LILRB3: variants seen among roughly 807,000 people sequenced by gnomAD.
LILRB3 encodes the protein leukocyte immunoglobulin-like receptor subfamily B member 3.
A neutral mutation model predicts 68.2 loss-of-function variants in LILRB3; 32 were observed. The observed-to-expected ratio is 0.47, with a 90% CI of 0.35 to 0.63. The LOEUF is 0.63. Among genes scored for constraint, LILRB3 ranks in the 30% least tolerant of loss-of-function variants. LILRB3 has a pLI of 0.00. For missense variants in LILRB3, 502 were observed against 791.3 expected (o/e 0.63, Z 4.39); for synonymous variants, 185 against 323.1 (o/e 0.57, Z 4.58).
At chr19:54,216,307 C>T (rs1470947524) in exon 13 of LILRB3, 4 of 149,604 alleles carry the variant, frequency 2.7e-5, no homozygotes, top group East Asian at 3.9e-4. Context: ...TATTTTTTTT[C>T]TTTCTTTTTT....
intron 8 of LILRB3, 127 bp downstream of exon 8, chr19:54,219,002 C>A: frequency 6.6e-7 from 1 of 1,519,082 alleles, no homozygotes. Context: ...TTTGTAAATG[C>A]GTATTGAAAT....
chr19:54,221,115 G>A, exon 5 of LILRB3: 6 of 1,278,686 alleles, frequency 4.7e-6, no homozygotes, highest in South Asian at 1.3e-5. Context: ...GTCACTGGGG[G>A]CCGACCACTC....
intron 7 of LILRB3, 132 bp downstream of exon 7, chr19:54,220,023 C>A: frequency 1.9e-6 from 1 of 540,502 alleles, no homozygotes; most frequent in Non-Finnish European, 2.5e-6. Flanking sequence ...CCTCGACCCC[C>A]GCCCCTCACC....
intron 6 of LILRB3, 71 bp from the exon 7 acceptor site, chr19:54,220,276 C>T (rs2078008918): frequency 2.4e-6 from 3 of 1,253,118 alleles, no homozygotes; most frequent in African/African-American, 3.2e-5. Context: ...CTCCCACTCT[C>T]CTGCTTCCGC....
intron 8 of LILRB3, 132 bp downstream of exon 8, chr19:54,218,997 A>G: frequency 6.6e-7 from 1 of 1,521,440 alleles, no homozygotes. Flanking sequence ...TGAAGTTTGT[A>G]AATGCGTATT....
chr19:54,222,366 T>C, exon 3 of LILRB3: 1 of 1,605,166 alleles, frequency 6.2e-7, no homozygotes, highest in Non-Finnish European at 8.5e-7. Context: ...CATGGTGCTG[T>C]GTCATGGATG....
rs1187498421 is a variant in LILRB3 at position 54,218,069 on chromosome 19, A to G, written c.1593+292T>C. 2.8e-5 allele frequency among the ~76,000 whole-genome samples: 4 copies of G among 145,114 alleles called. 1 individual carries two copies. Among genetic ancestry groups the G allele is most frequent in the South Asian group, 2.1e-4 (1 of 4,744 alleles). On this transcript the variant is annotated intron_variant, in intron 11 of 12. Coordinates refer to ENST00000445347, the Ensembl canonical transcript of LILRB3. ...TGGATGAATGAATGAAGAGGAGCCC[A>G]GGGGACGGAGGTGGTTCATTTATTC...
At chr19:54,219,363 A>G (rs1362729346) in intron 7 of LILRB3, 118 bp from the exon 8 acceptor site, 5 of 1,467,826 alleles carry the variant, frequency 3.4e-6, no homozygotes, top group East Asian at 2.5e-5. Flanking sequence ...GTCGTGCAAC[A>G]TGGAATTGCC....
chr19:54,217,921 T>C (rs897419330), intron 11 of LILRB3, among the ~76,000 whole-genome samples: 4 of 151,334 alleles, frequency 2.6e-5, no homozygotes, highest in African/African-American at 9.8e-5. Context: ...ACACGATGCA[T>C]TTATTTGCAT....
intron 7 of LILRB3, chr19:54,219,479 G>A: frequency 1.9e-6 from 3 of 1,548,642 alleles, no homozygotes; most frequent in South Asian, 2.4e-5. Context: ...GGGAGCCCGG[G>A]AGTCTGACCT....
chr19:54,219,476 C>A (rs1422005262), intron 7 of LILRB3: 13 of 1,548,262 alleles, frequency 8.4e-6, no homozygotes, highest in East Asian at 4.9e-5. Context: ...GAAGGGAGCC[C>A]GGGAGTCTGA....
chr19:54,216,803 C>G (rs1299281795), exon 13 of LILRB3: 1 of 1,290,314 alleles, frequency 7.8e-7, no homozygotes, highest in Non-Finnish European at 1.0e-6. Flanking sequence ...AGGAATCCTC[C>G]CCACTCAGCC....
In LILRB3 at chr19:54,221,144, A is replaced by G. The variant is rs752644790; in HGVS notation, c.894T>C (p.Gly298=). The G allele has an allele frequency of 6.5e-5, 75 of 1,160,532 alleles. 13 individuals are homozygous for G. Among genetic ancestry groups the G allele is most frequent in the East Asian group, 4.2e-4 (11 of 26,378 alleles). The allele number at this position is 1,160,532 out of a possible 1,614,324, so 71.9% of individuals were successfully genotyped here. Residue 298 remains glycine (G), a synonymous_variant, in exon 5 of 13, where the codon GGT becomes GGC. Coordinates refer to ENST00000445347, the Ensembl canonical transcript of LILRB3. ...ACCACTCGGAGGAGAGGTTGTGTGC[A>G]CCATAGCACCTGTACTGGCCCCCGT...
At position 54,220,741 on chromosome 19, in the gene LILRB3, C is replaced by T; in HGVS notation, c.1045G>A (p.Gly349Arg). ...GTCAGAAGGAAAGTGTCAAAATACC[C>T]CCGTGACTGACACAGCAGGGTCATG... is the stretch of plus-strand genomic sequence containing the variant. The change falls in exon 6 of 13, where the codon GGG becomes AGG. Residue 349 changes from glycine (G) to arginine (R), a missense_variant. Coordinates refer to ENST00000445347, the Ensembl canonical transcript of LILRB3. 3 of 1,523,916 alleles carry T rather than the reference C, an allele frequency of 2.0e-6. 1 individual carries two copies. The highest frequency in any genetic ancestry group is 1.2e-5 in the South Asian group (1 of 86,868). 94.4% of individuals were successfully genotyped at this position (1,523,916 alleles called of 1,614,324 possible). A position where few individuals can be genotyped will look rare whatever the true frequency, so the allele number is the denominator to read the frequency against.
Position 54,218,669 on chromosome 19 carries a change from C to G in LILRB3, c.1516G>C (p.Ala506Pro), listed in dbSNP as rs1320961903. ...CAGAGGTTTTCTTCCTGGACGTCAG[C>G]AGCTGGGCTGGACCTGGAGGAGGAC... The change falls in exon 10 of 13, where the codon GCT becomes CCT. Residue 506 changes from alanine (A) to proline (P), a missense_variant. By Grantham distance (27) the Ala-to-Pro change is conservative. Transcript: ENST00000445347. 1.2e-6 allele frequency: 2 copies of G among 1,614,200 alleles called. No individual in the cohort carries two copies. Among genetic ancestry groups the G allele is most frequent in the East Asian group, 2.2e-5 (1 of 44,870 alleles).
At chr19:54,222,387 T>C in exon 3 of LILRB3, 1 of 1,608,016 alleles carries the variant, frequency 6.2e-7, no homozygotes, top group Non-Finnish European at 8.5e-7. Flanking sequence ...GGATGGAGAA[T>C]CTGGCCTTGT....
At chr19:54,219,164 A>T (rs1475395828) in exon 8 of LILRB3, 1 of 1,595,786 alleles carries the variant, frequency 6.3e-7, no homozygotes, top group Non-Finnish European at 8.6e-7. Flanking sequence ...CTGACGGAGG[A>T]GGAGGAGGAA....
chr19:54,219,802 C>T, intron 7 of LILRB3: 1 of 1,520,678 alleles, frequency 6.6e-7, no homozygotes, highest in South Asian at 1.2e-5. Context: ...GAGCCTGAAC[C>T]TAGGACAGAA....
chr19:54,216,907 C>T, exon 13 of LILRB3: 1 of 1,440,002 alleles, frequency 6.9e-7, no homozygotes, highest in South Asian at 1.5e-5. Flanking sequence ...TGCTTTATTT[C>T]CAAAATGGGA....
Sources: allele counts gnomAD v4.1 joint callset (sites outside exome capture counted in the v4.1 genomes callset), GRCh38; gene constraint gnomAD v4.1.1; transcripts MANE v1.5; gene names NCBI Gene and HGNC (gene_info 2026-07-23, HGNC 2026-07-21).